The following TAFA2 variants were observed in gnomAD, a reference collection of about 807,000 sequenced individuals.
TAFA2 encodes chemokine-like protein TAFA-2.
Under a neutral mutation model 18.8 loss-of-function variants are expected in TAFA2, and 7 were observed. The observed-to-expected ratio is 0.37, with a 90% CI of 0.21 to 0.70. TAFA2 has a LOEUF of 0.70. Ranked by LOEUF, TAFA2 falls within the 30% of genes least tolerant of loss-of-function variation. The pLI is 0.53. For missense variants in TAFA2, 122 were observed against 158.1 expected (o/e 0.77, Z 1.23); for synonymous variants, 60 against 54.2 (o/e 1.11, Z -0.47).
chr12:62,226,844 C>G (rs1042165906), intron 1 of TAFA2, among the ~76,000 whole-genome samples: 1 of 152,160 alleles, frequency 6.6e-6, no homozygotes, highest in African/African-American at 2.4e-5. Context: ...AAATCTGGCC[C>G]GTCCCCTGTA....
At chr12:62,133,558 G>A (rs1019572955) in intron 1 of TAFA2, among the ~76,000 whole-genome samples, 2 of 152,040 alleles carry the variant, frequency 1.3e-5, no homozygotes, top group East Asian at 3.9e-4. Context: ...TCTCCATTAT[G>A]TGAGCAAACA....
intron 1 of TAFA2, among the ~76,000 whole-genome samples, chr12:62,029,817 C>T (rs908583649): frequency 6.7e-6 from 1 of 148,732 alleles, no homozygotes; most frequent in Non-Finnish European, 1.5e-5. Flanking sequence ...TCCTATCTCT[C>T]TCTCTCTCTC....
intron 1 of TAFA2, among the ~76,000 whole-genome samples, chr12:62,078,738 T>G (rs1029887731): frequency 1.3e-5 from 2 of 152,240 alleles, no homozygotes; most frequent in Admixed American, 6.5e-5. Context: ...TCCCTTGTCT[T>G]GCTAGAGCTG....
chr12:61,899,109 T>G (rs1342554472), intron 1 of TAFA2, among the ~76,000 whole-genome samples: 2 of 152,162 alleles, frequency 1.3e-5, no homozygotes, highest in African/African-American at 2.4e-5. Context: ...AGCCTGGACT[T>G]CATTGTCCAT....
chr12:61,754,808 T>TG (rs1869184845), intron 3 of TAFA2, 64 bp downstream of exon 3: 1 of 1,543,148 alleles, frequency 6.5e-7, no homozygotes, highest in Non-Finnish European at 8.9e-7. Context: ...AGCATTATAG[T>TG]GGGGTTCTAG....
intron 1 of TAFA2, among the ~76,000 whole-genome samples, chr12:61,931,566 A>G (rs1337617600): frequency 2.0e-5 from 3 of 152,166 alleles, no homozygotes; most frequent in Non-Finnish European, 4.4e-5. Context: ...TCTTTTGTGA[A>G]ACTCTATATA....
At chr12:61,838,575 G>A (rs12814204) in intron 2 of TAFA2, among the ~76,000 whole-genome samples, 44,723 of 151,798 alleles carry the variant, frequency 0.29, 7,069 homozygotes, top group South Asian at 0.4. Context: ...GGCCTTTTGC[G>A]CATGTACAGG....
chr12:61,927,069 G>GAAAA lies in TAFA2; in HGVS notation c.-1-59647_-1-59644dup, dbSNP rs56908081. ...CAACCTGGTGACAGAGTGAGACTCT[G>GAAAA]AAAAAAAAAAAAAAAAAAAAAAAAA... On this transcript the variant is annotated intron_variant, in intron 1 of 4. Coordinates refer to ENST00000416284, the MANE Select transcript of TAFA2 (RefSeq NM_178539.5). Among the ~76,000 whole-genome samples, 56 of 69,922 alleles carry GAAAA rather than the reference G, an allele frequency of 8.0e-4. 1 individual carries two copies. Among genetic ancestry groups the GAAAA allele is most frequent in the African/African-American group, 3.1e-3 (53 of 17,212 alleles). The allele number at this position is 69,922 out of a possible 152,430, so 45.9% of individuals were successfully genotyped here.
intron 2 of TAFA2, among the ~76,000 whole-genome samples, chr12:61,789,310 A>G (rs1173292318): frequency 6.6e-6 from 1 of 151,854 alleles, no homozygotes; most frequent in Non-Finnish European, 1.5e-5. Context: ...ATCTTGAGTT[A>G]ATTTTTGTAT....
intron 2 of TAFA2, among the ~76,000 whole-genome samples, chr12:61,863,995 C>A (rs1374429164): frequency 6.6e-6 from 1 of 152,136 alleles, no homozygotes; most frequent in East Asian, 1.9e-4. Flanking sequence ...AGCTGAGACT[C>A]TATTTGTGCT....
intron 1 of TAFA2, among the ~76,000 whole-genome samples, chr12:61,961,451 T>C (rs1417530107): frequency 6.6e-6 from 1 of 152,048 alleles, no homozygotes; most frequent in Non-Finnish European, 1.5e-5. Flanking sequence ...TAATCAAAAA[T>C]GTATTCTAGA....
In TAFA2 at chr12:61,781,603, ATG is replaced by A. The variant is rs1242079636; in HGVS notation, c.107-26581_107-26580del. Reference sequence around the variant, plus strand: ...TGTGTGCATGTGTGTTTGTGTGTGTATGTGTGTGTACCATGGCCTCAGGCAAA... The same window carrying A: ...TGTGTGCATGTGTGTTTGTGTGTGTATGTGTGTACCATGGCCTCAGGCAAA... On this transcript the variant is annotated intron_variant, in intron 2 of 4. Transcript: ENST00000416284. Among the ~76,000 whole-genome samples, 51 of 151,620 alleles carry A rather than the reference ATG, an allele frequency of 3.4e-4. No individual in the cohort carries two copies. In the East Asian group the frequency reaches 7.2e-3, roughly 21 times the overall value.
At chr12:61,749,588 T>C (rs1313433639) in intron 4 of TAFA2, among the ~76,000 whole-genome samples, 2 of 152,134 alleles carry the variant, frequency 1.3e-5, no homozygotes, top group Non-Finnish European at 2.9e-5. Flanking sequence ...AATAATATCA[T>C]AATGCATACC....
intron 4 of TAFA2, among the ~76,000 whole-genome samples, chr12:61,736,468 A>ATC (rs36111617): frequency 0.061 from 9,218 of 152,084 alleles, 380 homozygotes; most frequent in South Asian, 0.098. Context: ...CATAAAATTA[A>ATC]TAATTGAAAT....
intron 4 of TAFA2, among the ~76,000 whole-genome samples, chr12:61,724,799 G>GTATA (rs1407181260): frequency 0.015 from 1,834 of 125,760 alleles, 6 homozygotes; most frequent in South Asian, 0.024. Flanking sequence ...GTGTGTGTGT[G>GTATA]TGTATACACC....
At chr12:62,053,964 T>C (rs1238658765) in intron 1 of TAFA2, among the ~76,000 whole-genome samples, 1 of 152,242 alleles carries the variant, frequency 6.6e-6, no homozygotes, top group African/African-American at 2.4e-5. Flanking sequence ...AATGTGATTT[T>C]ATTATTTAGT....
At chr12:62,196,772 C>T (rs2062650713), upstream of TAFA2, among the ~76,000 whole-genome samples, 1 of 152,070 alleles carries the variant, frequency 6.6e-6, no homozygotes, top group Admixed American at 6.6e-5. Context: ...CAAAATCTAA[C>T]ACAGAGACAT....
At chr12:62,038,233 A>C (rs1881662682) in intron 1 of TAFA2, among the ~76,000 whole-genome samples, 1 of 152,204 alleles carries the variant, frequency 6.6e-6, no homozygotes, top group Admixed American at 6.5e-5. Context: ...CTAAAATAAT[A>C]GATTTTAGAT....
At chr12:62,053,976 C>A (rs1011803239) in intron 1 of TAFA2, among the ~76,000 whole-genome samples, 1 of 152,056 alleles carries the variant, frequency 6.6e-6, no homozygotes, top group African/African-American at 2.4e-5. Flanking sequence ...TTATTTAGTA[C>A]AATTTGATCT....
Sources: gnomAD v4.1 joint callset for allele counts (sites outside exome capture counted in the v4.1 genomes callset) on GRCh38, gnomAD v4.1.1 for gene constraint, MANE v1.5 for transcripts, NCBI Gene and HGNC (gene_info 2026-07-23, HGNC 2026-07-21) for gene names.